PRH1: variants seen among roughly 807,000 people sequenced by gnomAD.
PRH1 encodes proline rich protein HaeIII subfamily 1.
PRH1 carries 7 observed loss-of-function variants against 7.9 expected under a neutral mutation model. The observed-to-expected ratio is 0.89, with a 90% CI of 0.50 to 1.67. The LOEUF is 1.67. Ranked by LOEUF, PRH1 falls within the 40% of genes most tolerant of loss-of-function variation. PRH1 has a pLI of 0.00. For synonymous variants in PRH1, 45 were observed against 80.8 expected, an observed-to-expected ratio of 0.56 and a Z score of 2.38; for missense variants, 109 against 223.6, an observed-to-expected ratio of 0.49 and a Z score of 3.27.
Position 11,160,757 on chromosome 12 carries a change from G to C in PRH1, n.39+10665C>G, listed in dbSNP as rs528762359. ...AAAAGTGCTGGGATTACAGGTGTGA[G>C]CCACCACGCCTGGCCCTGGAATTCT... On this transcript the variant is annotated intron_variant and non_coding_transcript_variant, in intron 1 of 1. Coordinates refer to the PRH1 transcript ENST00000541175. Among the ~76,000 whole-genome samples the C allele has an allele frequency of 2.6e-5, 4 of 152,208 alleles. No homozygotes were observed. The East Asian group carries it at 7.7e-4, about 29-fold the overall frequency.
chr12:10,890,095 C>A (rs771108377), intron 2 of PRH1, among the ~76,000 whole-genome samples: 1 of 152,022 alleles, frequency 6.6e-6, no homozygotes, highest in African/African-American at 2.4e-5. Flanking sequence ...TTATCTTGCA[C>A]AGAGGGATTT....
chr12:10,911,832 T>G (rs1181365716), intron 2 of PRH1, among the ~76,000 whole-genome samples: 1 of 152,210 alleles, frequency 6.6e-6, no homozygotes, highest in African/African-American at 2.4e-5. Flanking sequence ...AAGCCTCCCA[T>G]GGCAAGAAAG....
chr12:11,036,492 C>T (rs542020692), intron 1 of PRH1, among the ~76,000 whole-genome samples: 154 of 152,248 alleles, frequency 1.0e-3, no homozygotes, highest in African/African-American at 3.5e-3. Flanking sequence ...TCCTAAAATC[C>T]GCTCTTTAGA....
chr12:10,914,404 G>A (rs759011819), intron 2 of PRH1, among the ~76,000 whole-genome samples: 14 of 152,218 alleles, frequency 9.2e-5, no homozygotes, highest in Non-Finnish European at 1.8e-4. Context: ...GAAAAGACAA[G>A]GATTTCTAAA....
At chr12:10,912,763 T>C (rs1949918247) in intron 2 of PRH1, among the ~76,000 whole-genome samples, 1 of 152,120 alleles carries the variant, frequency 6.6e-6, no homozygotes, top group South Asian at 2.1e-4. Flanking sequence ...TTAAAATATA[T>C]GTTCGAGTTT....
chr12:10,911,696 A>G (rs947652119), intron 2 of PRH1, among the ~76,000 whole-genome samples: 5 of 152,190 alleles, frequency 3.3e-5, no homozygotes, highest in Non-Finnish European at 5.9e-5. Flanking sequence ...AGCTAACCTC[A>G]TATCATTTGT....
rs750823944 is a variant in PRH1 at position 11,021,956 on chromosome 12, G to C, written c.-126+25064C>G. 2.5e-6 allele frequency: 4 copies of C among 1,613,328 alleles called. No homozygotes were observed. The South Asian group carries it at 3.3e-5, about 13-fold the overall frequency. On this transcript the variant is annotated intron_variant, in intron 1 of 3. Coordinates refer to the PRH1 transcript ENST00000539853. ...TTGCTATGGAGCCGCATCTTCTTGAGATGTTTACAAAGAGAACAGATTAAC... is the reference window on the plus strand; with the variant it reads ...TTGCTATGGAGCCGCATCTTCTTGACATGTTTACAAAGAGAACAGATTAAC...
chr12:10,913,588 AC>A (rs1949932215), intron 2 of PRH1, among the ~76,000 whole-genome samples: 1 of 152,248 alleles, frequency 6.6e-6, no homozygotes, highest in South Asian at 2.1e-4. Flanking sequence ...TATATCTTGT[AC>A]ATAGCATAGA....
chr12:11,052,915 A>AT (rs904276372), intron 1 of PRH1, among the ~76,000 whole-genome samples: 7 of 135,392 alleles, frequency 5.2e-5, no homozygotes, highest in Admixed American at 1.5e-4. Flanking sequence ...AATGTTTCTG[A>AT]TTTTTTTGAT....
At chr12:11,158,684 G>A (rs1947325831) in intron 1 of PRH1, 1 of 151,956 alleles carries the variant, frequency 6.6e-6, no homozygotes, top group Non-Finnish European at 1.5e-5. Context: ...CACTTAAAAG[G>A]ACTCCAAAAA....
rs1402543693 is a variant in PRH1 at position 11,094,283 on chromosome 12, C to T, written n.124-47095G>A. On this transcript the variant is annotated intron_variant and non_coding_transcript_variant, in intron 1 of 4. Transcript: ENST00000541977. ...CGCCACTGCACCCCAGCCTGAGTGA[C>T]AGACCAAGACTCTGTCAAAAAAAAA... Among the ~76,000 whole-genome samples the T allele has an allele frequency of 4.3e-4, 23 of 52,968 alleles. 7 individuals carry two copies. The highest frequency in any genetic ancestry group is 1.9e-3 in the Admixed American group (6 of 3,104). The allele number at this position is 52,968 out of a possible 152,430, so 34.7% of individuals were successfully genotyped here. A position where few individuals can be genotyped will look rare whatever the true frequency, so the allele number is the denominator to read the frequency against.
rs1489859452 is a variant in PRH1, at chr12:10,993,408, TGA to T, written c.-125-19689_-125-19688del. On this transcript the variant is annotated intron_variant, in intron 1 of 3. Coordinates refer to the PRH1 transcript ENST00000539853. Reference sequence around the variant, plus strand: ...ACTGTTACCCATAAGCAGGAAGTGATGAGTTTCTCAAATATAGTAAAATACCA... The same window carrying T: ...ACTGTTACCCATAAGCAGGAAGTGATGTTTCTCAAATATAGTAAAATACCA... 5.3e-5 allele frequency among the ~76,000 whole-genome samples: 8 copies of T among 152,298 alleles called. No individual in the cohort carries two copies. The East Asian group carries it at 1.5e-3, about 29-fold the overall frequency.
chr12:10,918,331 T>G (rs1374472824), intron 2 of PRH1, among the ~76,000 whole-genome samples: 2 of 152,108 alleles, frequency 1.3e-5, no homozygotes, highest in Non-Finnish European at 2.9e-5. Flanking sequence ...CATTAACCTA[T>G]GTAACAAACC....
At chr12:11,128,165 C>G (rs1282857269) in intron 1 of PRH1, among the ~76,000 whole-genome samples, 1 of 150,640 alleles carries the variant, frequency 6.6e-6, no homozygotes, top group Admixed American at 6.6e-5. Flanking sequence ...TATAACTATT[C>G]CTTGGGCACT....
intron 1 of PRH1, among the ~76,000 whole-genome samples, chr12:11,065,187 A>C (rs1482685472): frequency 6.6e-6 from 1 of 152,124 alleles, no homozygotes; most frequent in Non-Finnish European, 1.5e-5. Flanking sequence ...GTCTGTTGAA[A>C]ATCAGGTTGT....
At chr12:10,971,807 T>C (rs1938826834) in intron 2 of PRH1, among the ~76,000 whole-genome samples, 1 of 152,152 alleles carries the variant, frequency 6.6e-6, no homozygotes, top group Non-Finnish European at 1.5e-5. Flanking sequence ...ATTCTTTTTC[T>C]ATTCAATTTT....
chr12:11,078,479 C>G (rs767623940), intron 1 of PRH1: 1 of 131,694 alleles, frequency 7.6e-6, no homozygotes, highest in East Asian at 1.7e-4. Context: ...CTCAGATTCA[C>G]TCCTCTTCAT....
At chr12:10,891,196 C>A (rs868065808) in intron 2 of PRH1, among the ~76,000 whole-genome samples, 1 of 152,216 alleles carries the variant, frequency 6.6e-6, no homozygotes, top group Middle Eastern at 3.4e-3. Context: ...GTATGCAAGA[C>A]ACATTTACTT....
chr12:10,984,758 C>T (rs1211875858), intron 1 of PRH1, among the ~76,000 whole-genome samples: 3 of 152,066 alleles, frequency 2.0e-5, no homozygotes, highest in Admixed American at 6.5e-5. Flanking sequence ...TGATGTTATA[C>T]ATTTTCTTCC....
Sources: allele counts gnomAD v4.1 joint callset (sites outside exome capture counted in the v4.1 genomes callset), GRCh38; gene constraint gnomAD v4.1.1; transcripts MANE v1.5; gene names NCBI Gene and HGNC (gene_info 2026-07-23, HGNC 2026-07-21).